Variants in OPTN observed in about 807,000 individuals in gnomAD.
OPTN encodes E3-14.7K-interacting protein.
A neutral mutation model predicts 70.4 loss-of-function variants in OPTN; 54 were observed. The observed-to-expected ratio is 0.77, with a 90% CI of 0.62 to 0.96. OPTN has a LOEUF of 0.96. Among genes scored for constraint, OPTN ranks in the 40% least tolerant of loss-of-function variants. OPTN has a pLI of 0.00. For missense variants in OPTN, 624 were observed against 673.2 expected (o/e 0.93, Z 0.81); for synonymous variants, 256 against 248.5 (o/e 1.03, Z -0.28).
In OPTN at chr10:13,138,222, T is replaced by C. The variant is rs1454530857; in HGVS notation, c.*1356T>C. The C allele has an allele frequency of 2.2e-5, 4 of 185,808 alleles. No individual in the cohort carries two copies. Among genetic ancestry groups the C allele is most frequent in the African/African-American group, 9.4e-5 (4 of 42,688 alleles). The allele number at this position is 185,808 out of a possible 1,614,324, so 11.5% of individuals were successfully genotyped here. On this transcript the variant is annotated 3_prime_UTR_variant, in exon 15 of 15. Transcript: ENST00000378747. Reference sequence around the variant, plus strand: ...ACAATTTGCCAAGAGTAAATAACACTGGACCAGCTGTAAAAGTAAACAGTG... The same window carrying C: ...ACAATTTGCCAAGAGTAAATAACACCGGACCAGCTGTAAAAGTAAACAGTG...
chr10:13,114,492 G>A (rs959496565), intron 5 of OPTN, among the ~76,000 whole-genome samples: 1 of 151,670 alleles, frequency 6.6e-6, no homozygotes, highest in African/African-American at 2.4e-5. Flanking sequence ...AGGGTGCATG[G>A]TTAGCATCTC....
rs1273043197 is a variant in OPTN, at chr10:13,109,203, G to A, written c.81G>A (p.Leu27=). ...SESTGNGPPH[L]AHPNLDTFTP... Reference sequence around the variant, plus strand: ...GCACAGGAAATGGACCCCCCCACCTGGCCCACCCAAACCTGGACACGTTTA... The same window carrying A: ...GCACAGGAAATGGACCCCCCCACCTAGCCCACCCAAACCTGGACACGTTTA... Residue 27 remains leucine, a synonymous_variant, in exon 3 of 15, where the codon CTG becomes CTA. Transcript: ENST00000378747. The A allele has an allele frequency of 2.5e-6, 4 of 1,613,918 alleles. No homozygotes were observed. The highest frequency in any genetic ancestry group is 3.3e-5 in the Admixed American group (2 of 60,016).
At chr10:13,105,079 C>T (rs750046822) in intron 1 of OPTN, among the ~76,000 whole-genome samples, 2 of 152,044 alleles carry the variant, frequency 1.3e-5, no homozygotes, top group Non-Finnish European at 2.9e-5. Flanking sequence ...GGATTACAGG[C>T]ATAAGCCACT....
At chr10:13,126,489 C>G (rs1301667124) in intron 11 of OPTN, among the ~76,000 whole-genome samples, 1 of 151,860 alleles carries the variant, frequency 6.6e-6, no homozygotes, top group Middle Eastern at 3.2e-3. Context: ...ACCTTGTTAG[C>G]CAGGATGGTC....
intron 9 of OPTN, among the ~76,000 whole-genome samples, chr10:13,124,964 C>T (rs534817272): frequency 5.1e-4 from 77 of 152,352 alleles, no homozygotes; most frequent in African/African-American, 1.8e-3. Context: ...TTGAAATCCT[C>T]TTTCCGATCT....
intron 7 of OPTN, among the ~76,000 whole-genome samples, chr10:13,121,356 G>T (rs1833344931): frequency 6.6e-6 from 1 of 152,020 alleles, no homozygotes; most frequent in Non-Finnish European, 1.5e-5. Context: ...AAAGCCAGCT[G>T]GGATCTTACT....
intron 7 of OPTN, among the ~76,000 whole-genome samples, chr10:13,120,061 C>T (rs1402251963): frequency 4.0e-5 from 6 of 149,010 alleles, no homozygotes; most frequent in Non-Finnish European, 7.4e-5. Flanking sequence ...CGGCTCACTG[C>T]AAGCTCCGCC....
rs1564358801 is a variant in OPTN, at chr10:13,114,804, A to ATATATG, written c.553-1458_553-1457insGTATAT. 1.4e-4 allele frequency among the ~76,000 whole-genome samples: 10 copies of ATATATG among 73,152 alleles called. No individual in the cohort carries two copies. The South Asian group carries it at 1.8e-3, about 13-fold the overall frequency. 48.0% of individuals were successfully genotyped at this position (73,152 alleles called of 152,430 possible). On this transcript the variant is annotated intron_variant, in intron 5 of 14. Coordinates refer to ENST00000378747, the MANE Select transcript of OPTN (RefSeq NM_001008212.2). ...TATATAATTATATAATTATATATAC[A>ATATATG]TATATATAATTATATAATTATATAA...
At chr10:13,131,398 C>T (rs1833590936) in intron 12 of OPTN, 1 of 152,666 alleles carries the variant, frequency 6.6e-6, no homozygotes, top group African/African-American at 2.4e-5. Context: ...CTGGAGCCAT[C>T]TTAGGAGGCT....
At chr10:13,132,035 A>G (rs1362456012) in intron 12 of OPTN, 32 bp from the exon 13 acceptor site, 1 of 1,605,482 alleles carries the variant, frequency 6.2e-7, no homozygotes, top group Non-Finnish European at 8.5e-7. Context: ...TCATCTAGGT[A>G]CTAACTTCTG....
intron 2 of OPTN, among the ~76,000 whole-genome samples, chr10:13,108,665 G>A (rs935182579): frequency 6.6e-6 from 1 of 151,728 alleles, no homozygotes. Flanking sequence ...TCCTGCCTCA[G>A]CCTCCCGAGT....
intron 1 of OPTN, among the ~76,000 whole-genome samples, chr10:13,102,993 C>T (rs186992371): frequency 6.0e-4 from 91 of 151,428 alleles, no homozygotes; most frequent in Non-Finnish European, 1.2e-3. Flanking sequence ...GAGGTGATGG[C>T]ATTTGGTGAC....
intron 1 of OPTN, among the ~76,000 whole-genome samples, chr10:13,100,787 G>A (rs143722556): frequency 4.6e-5 from 7 of 152,326 alleles, no homozygotes; most frequent in Non-Finnish European, 8.8e-5. Context: ...TCTATATAGA[G>A]AGAATATTTG....
chr10:13,136,037 A>G (rs1051048164), intron 14 of OPTN, among the ~76,000 whole-genome samples: 1 of 152,028 alleles, frequency 6.6e-6, no homozygotes, highest in Non-Finnish European at 1.5e-5. Flanking sequence ...AATTTTAAAA[A>G]CTAGCCAGGT....
intron 8 of OPTN, among the ~76,000 whole-genome samples, 182 bp downstream of exon 8, chr10:13,122,669 T>C (rs984966952): frequency 1.3e-5 from 2 of 152,154 alleles, no homozygotes; most frequent in East Asian, 1.9e-4. Context: ...TGTAGCGAGA[T>C]GTATTTCTTT....
chr10:13,132,029 C>T (rs1331781030), intron 12 of OPTN, 38 bp from the exon 13 acceptor site: 12 of 1,601,170 alleles, frequency 7.5e-6, no homozygotes, highest in Non-Finnish European at 1.0e-5. Context: ...CTGCATTCAT[C>T]TAGGTACTAA....
At chr10:13,115,141 GAT>G (rs1833135644) in intron 5 of OPTN, among the ~76,000 whole-genome samples, 3 of 77,564 alleles carry the variant, frequency 3.9e-5, no homozygotes, top group Non-Finnish European at 6.8e-5. Context: ...TTATAATATA[GAT>G]ATATCTATAT....
chr10:13,135,167 C>G (rs1055184390), intron 14 of OPTN, among the ~76,000 whole-genome samples: 6 of 152,162 alleles, frequency 3.9e-5, no homozygotes, highest in African/African-American at 2.4e-5. Flanking sequence ...AAACCAAAGT[C>G]TAGGCTGAGT....
intron 6 of OPTN, among the ~76,000 whole-genome samples, chr10:13,117,552 TCTC>T (rs1459614669): frequency 2.7e-5 from 4 of 150,726 alleles, no homozygotes; most frequent in Non-Finnish European, 5.9e-5. Flanking sequence ...TACAAGCAGT[TCTC>T]CTGCCTCAGC....
Sources: gnomAD v4.1 joint callset for allele counts (sites outside exome capture counted in the v4.1 genomes callset) on GRCh38, gnomAD v4.1.1 for gene constraint, MANE v1.5 for transcripts, NCBI Gene and HGNC (gene_info 2026-07-23, HGNC 2026-07-21) for gene names.